RFX3: variants seen among roughly 807,000 people sequenced by gnomAD.
The protein encoded by RFX3 is regulatory factor X3.
RFX3 carries 14 observed loss-of-function variants against 98.6 expected under a neutral mutation model. The ratio of observed to expected loss-of-function variants is 0.14; its 90% CI spans 0.09 to 0.22. RFX3 has a LOEUF of 0.22. RFX3 is among the 10% of genes least tolerant of loss of function. The probability of loss-of-function intolerance (pLI) is 1.00; values close to 1 mark genes in which losing one functional copy is unlikely to be tolerated. For missense variants in RFX3, 639 were observed against 926.9 expected (o/e 0.69, Z 4.03); for synonymous variants, 383 against 328.4 (o/e 1.17, Z -1.80).
At chr9:3,387,624 T>G (rs1184074785) in intron 2 of RFX3, among the ~76,000 whole-genome samples, 1 of 145,786 alleles carries the variant, frequency 6.9e-6, no homozygotes, top group Admixed American at 6.7e-5. Context: ...CTAAAATCAT[T>G]GTCTTTTTTT....
chr9:3,296,012 G>A (rs556831732), intron 5 of RFX3, among the ~76,000 whole-genome samples: 130 of 151,846 alleles, frequency 8.6e-4, no homozygotes, highest in African/African-American at 2.8e-3. Context: ...TTAAAAATAA[G>A]ACAAACATGT....
intron 1 of RFX3, among the ~76,000 whole-genome samples, chr9:3,417,752 G>A (rs1045287255): frequency 6.6e-6 from 1 of 152,078 alleles, no homozygotes; most frequent in Non-Finnish European, 1.5e-5. Flanking sequence ...TTAAAGGAAA[G>A]GGGATCATAA....
intron 1 of RFX3, among the ~76,000 whole-genome samples, chr9:3,464,928 A>G (rs1351761770): frequency 6.6e-6 from 1 of 152,178 alleles, no homozygotes; most frequent in Non-Finnish European, 1.5e-5. Flanking sequence ...AAAAAATTCA[A>G]AAGTTATCGG....
chr9:3,486,250 T>C (rs1850265545), intron 1 of RFX3, among the ~76,000 whole-genome samples: 2 of 151,180 alleles, frequency 1.3e-5, no homozygotes, highest in African/African-American at 4.9e-5. Flanking sequence ...TCTACCCTAC[T>C]CCAGAGCCCA....
intron 1 of RFX3, among the ~76,000 whole-genome samples, chr9:3,504,097 A>G (rs1816356304): frequency 7.1e-6 from 1 of 141,514 alleles, no homozygotes; most frequent in South Asian, 2.1e-4. Context: ...TGATCAATAC[A>G]TCTTTCTCTC....
Position 3,302,393 on chromosome 9 carries a change from G to A in RFX3, c.475-773C>T, listed in dbSNP as rs533052615. ...TAAGTACCAGGTGTTAGTGATAAAT[G>A]TGATACACTCTTAATAACCTCATAT... On this transcript the variant is annotated intron_variant, in intron 4 of 16. Coordinates refer to ENST00000617270, the MANE Select transcript of RFX3 (RefSeq NM_001282116.2). Among the ~76,000 whole-genome samples, 7 of 151,860 alleles carry A rather than the reference G, an allele frequency of 4.6e-5. 1 individual carries two copies. In the South Asian group the frequency reaches 1.5e-3, roughly 32 times the overall value.
At chr9:3,391,010 ACTTTCT>A (rs1223597318) in intron 2 of RFX3, among the ~76,000 whole-genome samples, 2 of 152,180 alleles carry the variant, frequency 1.3e-5, no homozygotes, top group Non-Finnish European at 2.9e-5. Flanking sequence ...TTAGCTATAA[ACTTTCT>A]CTTTATGTCA....
At chr9:3,412,601 G>A (rs186761165) in intron 1 of RFX3, among the ~76,000 whole-genome samples, 45 of 152,222 alleles carry the variant, frequency 3.0e-4, no homozygotes, top group African/African-American at 1.1e-3. Flanking sequence ...TGCAAAGGGT[G>A]AAGCTGGCAT....
chr9:3,296,445 C>A (rs1182919466), intron 5 of RFX3, among the ~76,000 whole-genome samples: 1 of 151,934 alleles, frequency 6.6e-6, no homozygotes, highest in Non-Finnish European at 1.5e-5. Context: ...GTTTTATAAA[C>A]TGATTGTTCT....
At chr9:3,523,724 C>G (rs1317734895) in intron 1 of RFX3, among the ~76,000 whole-genome samples, 2 of 152,156 alleles carry the variant, frequency 1.3e-5, no homozygotes, top group East Asian at 3.9e-4. Context: ...GACCCAGGAG[C>G]TTCACCATCC....
At chr9:3,333,331 A>T (rs1026694108) in intron 3 of RFX3, among the ~76,000 whole-genome samples, 1 of 152,164 alleles carries the variant, frequency 6.6e-6, no homozygotes, top group Non-Finnish European at 1.5e-5. Flanking sequence ...GAGTGTTCTG[A>T]AAGTATTCCA....
intron 2 of RFX3, among the ~76,000 whole-genome samples, chr9:3,375,651 T>A (rs1301346364): frequency 6.6e-6 from 1 of 152,202 alleles, no homozygotes; most frequent in Admixed American, 6.5e-5. Context: ...GAGTGTATTA[T>A]AGAAATCCAT....
chr9:3,236,663 T>C (rs1292046311), intron 15 of RFX3, among the ~76,000 whole-genome samples: 2 of 152,156 alleles, frequency 1.3e-5, no homozygotes, highest in Non-Finnish European at 2.9e-5. Context: ...CCACAGGCAG[T>C]GGACACAGCA....
At chr9:3,518,096 A>G (rs1818349926) in intron 1 of RFX3, among the ~76,000 whole-genome samples, 1 of 152,252 alleles carries the variant, frequency 6.6e-6, no homozygotes, top group East Asian at 1.9e-4. Context: ...GCAGGTTTAT[A>G]GACGAGAACA....
chr9:3,491,742 G>T (rs1850734789), intron 1 of RFX3, among the ~76,000 whole-genome samples: 1 of 151,924 alleles, frequency 6.6e-6, no homozygotes, highest in African/African-American at 2.4e-5. Context: ...ACTTCCTCAG[G>T]TATACCAGTT....
intron 1 of RFX3, among the ~76,000 whole-genome samples, chr9:3,505,222 T>TTATATATGAATATATATTTTTA (rs1816838283): frequency 9.0e-5 from 5 of 55,576 alleles, no homozygotes; most frequent in South Asian, 8.6e-4. Flanking sequence ...GAATATATAT[T>TTATATATGAATATATATTTTTA]TATATATGAA....
intron 3 of RFX3, among the ~76,000 whole-genome samples, chr9:3,338,915 C>T (rs1833529577): frequency 6.6e-6 from 1 of 152,030 alleles, no homozygotes; most frequent in South Asian, 2.1e-4. Context: ...TGAAGAAACC[C>T]TGTCTCTACT....
intron 1 of RFX3, chr9:3,469,076 C>A: frequency 5.8e-6 from 2 of 343,144 alleles, no homozygotes; most frequent in Non-Finnish European, 5.9e-6. Flanking sequence ...AAAAAACATT[C>A]AAGTGAAAGC....
At chr9:3,322,639 A>G (rs1831447672) in intron 4 of RFX3, among the ~76,000 whole-genome samples, 1 of 152,176 alleles carries the variant, frequency 6.6e-6, no homozygotes, top group African/African-American at 2.4e-5. Context: ...AGGCTGAGAT[A>G]GGAGAATCGC....
Sources: allele counts gnomAD v4.1 joint callset (sites outside exome capture counted in the v4.1 genomes callset), GRCh38; gene constraint gnomAD v4.1.1; transcripts MANE v1.5; gene names NCBI Gene and HGNC (gene_info 2026-07-23, HGNC 2026-07-21).